Variants in SRGAP3 observed in about 807,000 individuals in gnomAD.
SRGAP3 encodes SLIT-ROBO Rho GTPase-activating protein 3.
Under a neutral mutation model 121.1 loss-of-function variants are expected in SRGAP3, and 39 were observed. The observed-to-expected ratio is 0.32, with a 90% confidence interval of 0.25 to 0.42. SRGAP3 has a LOEUF of 0.42. Among genes scored for constraint, SRGAP3 ranks in the 10% least tolerant of loss-of-function variants. The probability of loss-of-function intolerance (pLI) is 1.00; values close to 1 mark genes in which losing one functional copy is unlikely to be tolerated. For missense variants in SRGAP3, 1,213 were observed against 1,470.6 expected, an observed-to-expected ratio of 0.82 and a Z score of 2.86; for synonymous variants, 601 against 570.0, an observed-to-expected ratio of 1.05 and a Z score of -0.77.
chr3:9,358,716 C>T lies in SRGAP3; in HGVS notation n.214+4124G>A, dbSNP rs1321735164. Among the ~76,000 whole-genome samples the T allele has an allele frequency of 4.6e-5, 7 of 152,290 alleles. No individual in the cohort carries two copies. In the South Asian group the frequency reaches 1.0e-3, roughly 23 times the overall value. On this transcript the variant is annotated intron_variant and non_coding_transcript_variant, in intron 1 of 3. Coordinates refer to the SRGAP3 transcript ENST00000490889. Reference sequence around the variant, plus strand: ...ACCAACAGGCTTTAAGTTGGGGTTTCCATGACCCCCTCTTTGGGTTCAATT... The same window carrying T: ...ACCAACAGGCTTTAAGTTGGGGTTTTCATGACCCCCTCTTTGGGTTCAATT...
chr3:9,317,787 G>A (rs1955372542), intron 3 of SRGAP3, among the ~76,000 whole-genome samples: 1 of 152,186 alleles, frequency 6.6e-6, no homozygotes, highest in Non-Finnish European at 1.5e-5. Context: ...TGATGCTGCT[G>A]GTCCAGGGAC....
intron 1 of SRGAP3, among the ~76,000 whole-genome samples, chr3:9,152,833 C>T (rs1003501149): frequency 2.7e-5 from 4 of 147,118 alleles, no homozygotes; most frequent in African/African-American, 5.1e-5. Context: ...AGAGGCAGCC[C>T]ACATCCACGA....
At chr3:9,072,333 C>T (rs577560517) in intron 4 of SRGAP3, among the ~76,000 whole-genome samples, 1 of 152,346 alleles carries the variant, frequency 6.6e-6, no homozygotes, top group South Asian at 2.1e-4. Flanking sequence ...TTCCATGTTC[C>T]CACACACTGT....
intron 14 of SRGAP3, among the ~76,000 whole-genome samples, chr3:9,017,128 A>G (rs1943677799): frequency 1.3e-5 from 2 of 152,168 alleles, no homozygotes; most frequent in East Asian, 1.9e-4. Flanking sequence ...GGAAACAAAT[A>G]TGGTGTCTCA....
intron 12 of SRGAP3, 103 bp from the exon 13 acceptor site, chr3:9,027,098 A>G: frequency 9.7e-7 from 1 of 1,036,162 alleles, no homozygotes; most frequent in Non-Finnish European, 1.5e-6. Flanking sequence ...TATTAGTACC[A>G]TCAGATTAGT....
chr3:9,290,404 G>C (rs546053555), intron 3 of SRGAP3, among the ~76,000 whole-genome samples: 1 of 152,252 alleles, frequency 6.6e-6, no homozygotes, highest in African/African-American at 2.4e-5. Context: ...CATAGGACAG[G>C]TGTGTGGGGG....
chr3:9,177,703 T>C (rs560345791), intron 1 of SRGAP3, among the ~76,000 whole-genome samples: 21 of 152,276 alleles, frequency 1.4e-4, no homozygotes, highest in African/African-American at 4.8e-4. Flanking sequence ...TTACTCTCTC[T>C]TTTCTGGCAT....
chr3:9,024,318 A>C (rs1944077475), intron 14 of SRGAP3, among the ~76,000 whole-genome samples: 1 of 152,194 alleles, frequency 6.6e-6, no homozygotes, highest in Non-Finnish European at 1.5e-5. Flanking sequence ...CTGATATTCC[A>C]ACTCTTCTTT....
chr3:9,025,080 C>G (rs762841603), intron 14 of SRGAP3, among the ~76,000 whole-genome samples, 181 bp downstream of exon 14: 4 of 152,190 alleles, frequency 2.6e-5, no homozygotes, highest in South Asian at 2.1e-4. Context: ...ACACGCCAGC[C>G]ATGGCTTATT....
intron 2 of SRGAP3, among the ~76,000 whole-genome samples, chr3:9,117,519 C>T (rs1165063031): frequency 1.3e-5 from 2 of 152,250 alleles, no homozygotes; most frequent in Non-Finnish European, 2.9e-5. Flanking sequence ...TTCCCAAATT[C>T]TGGCTTTTCC....
At chr3:9,208,781 C>T (rs1423533632) in intron 1 of SRGAP3, among the ~76,000 whole-genome samples, 14 of 152,244 alleles carry the variant, frequency 9.2e-5, no homozygotes, top group Admixed American at 1.3e-4. Flanking sequence ...ATCCCATCTC[C>T]AGCATCTGCT....
rs1326377291 is a variant in SRGAP3, at chr3:8,985,944, G to A, written c.2887-12C>T. The A allele has an allele frequency of 6.3e-7, 1 of 1,599,524 alleles. No homozygotes were observed. Among genetic ancestry groups the A allele is most frequent in the Non-Finnish European group, 8.5e-7 (1 of 1,179,940 alleles). The stretch of plus-strand genomic sequence containing the variant: ...GTCTTCTCGATGTCCTGGGGACAGA[G>A]GGAGCTGGGGTCAGCACAGTCTGGA... On this transcript the variant is annotated splice_polypyrimidine_tract_variant and intron_variant, in intron 21 of 21. Transcript: ENST00000383836. The surrounding 1 kb of genome is among the most constrained non-coding windows in gnomAD (Gnocchi z 5.1).
chr3:9,325,636 G>A (rs1955505331), intron 3 of SRGAP3, among the ~76,000 whole-genome samples: 1 of 151,938 alleles, frequency 6.6e-6, no homozygotes, highest in African/African-American at 2.4e-5. Flanking sequence ...TTCTAGACGA[G>A]TGAAGGCCTC....
At chr3:8,988,170 A>C (rs939402534) in intron 21 of SRGAP3, among the ~76,000 whole-genome samples, 2 of 152,170 alleles carry the variant, frequency 1.3e-5, no homozygotes, top group African/African-American at 4.8e-5. Context: ...TGGGAGACAG[A>C]GTGGGGACCG....
At chr3:9,172,117 A>T (rs1410508421) in intron 1 of SRGAP3, among the ~76,000 whole-genome samples, 1 of 139,314 alleles carries the variant, frequency 7.2e-6, no homozygotes. Context: ...TTTTTGAGAC[A>T]GGGTCTCGCT....
chr3:9,320,367 G>A (rs943264985), intron 3 of SRGAP3, among the ~76,000 whole-genome samples: 1 of 151,874 alleles, frequency 6.6e-6, no homozygotes, highest in Non-Finnish European at 1.5e-5. Flanking sequence ...GTGGGAGGTG[G>A]TTGGATCATG....
chr3:9,069,913 C>A (rs1259430243), intron 4 of SRGAP3, among the ~76,000 whole-genome samples: 1 of 152,064 alleles, frequency 6.6e-6, no homozygotes, highest in East Asian at 1.9e-4. Flanking sequence ...TGCCACTGCA[C>A]TCCAGCCTGG....
rs572940404 is a variant in SRGAP3 at position 9,014,501 on chromosome 3, CCT to C, written c.1814-661_1814-660del. ...GATGCTTGGGATCTCATCTCTGACCCCTGTTTCCAGGTCATCCTAGACCTGAA... is the reference window on the plus strand; with the variant it reads ...GATGCTTGGGATCTCATCTCTGACCCGTTTCCAGGTCATCCTAGACCTGAA... On this transcript the variant is annotated intron_variant, in intron 15 of 21. Transcript: ENST00000383836. 1.7e-3 allele frequency among the ~76,000 whole-genome samples: 257 copies of C among 152,278 alleles called. 1 individual carries two copies. The highest frequency in any genetic ancestry group is 2.9e-3 in the Non-Finnish European group (194 of 68,026).
chr3:9,104,627 T>C (rs1007118505), intron 3 of SRGAP3, 53 bp downstream of exon 3: 2 of 1,609,666 alleles, frequency 1.2e-6, no homozygotes, highest in Admixed American at 1.7e-5. Flanking sequence ...ACTGTTACCA[T>C]GGGCCAGCTT....
Sources: gnomAD v4.1 joint callset for allele counts (sites outside exome capture counted in the v4.1 genomes callset) on GRCh38, gnomAD v4.1.1 for gene constraint, Gnocchi (gnomAD v3.1) non-coding constraint, MANE v1.5 for transcripts, NCBI Gene and HGNC (gene_info 2026-07-23, HGNC 2026-07-21) for gene names.